Variants in TRABD2A observed in about 807,000 individuals in gnomAD.
The protein encoded by TRABD2A is metalloprotease TIKI1.
A neutral mutation model predicts 45.6 loss-of-function variants in TRABD2A; 43 were observed. The ratio of observed to expected loss-of-function variants is 0.94; its 90% CI spans 0.74 to 1.22. The LOEUF is 1.22. Among genes scored for constraint, TRABD2A ranks in the 50% most tolerant of loss-of-function variants. TRABD2A has a pLI of 0.00. For synonymous variants in TRABD2A, 269 were observed against 265.0 expected (o/e 1.02, Z -0.15); for missense variants, 642 against 652.4 (o/e 0.98, Z 0.17).
chr2:84,842,069 T>C, intron 2 of TRABD2A, 62 bp from the exon 3 acceptor site: 1 of 1,420,992 alleles, frequency 7.0e-7, no homozygotes, highest in African/African-American at 1.4e-5. Context: ...ATCTTATTTC[T>C]TTTGTCCATG....
At chr2:84,855,021 C>A (rs1682227890) in intron 2 of TRABD2A, among the ~76,000 whole-genome samples, 1 of 152,134 alleles carries the variant, frequency 6.6e-6, no homozygotes. Flanking sequence ...GGACATGATT[C>A]CACGTGCCCC....
chr2:84,855,976 T>C (rs1682288071), intron 2 of TRABD2A, among the ~76,000 whole-genome samples: 1 of 152,114 alleles, frequency 6.6e-6, no homozygotes, highest in South Asian at 2.1e-4. Flanking sequence ...CACCGCCCAT[T>C]ACGCGGCTCA....
chr2:84,873,534 G>C (rs1203743360), intron 1 of TRABD2A, among the ~76,000 whole-genome samples: 6 of 152,194 alleles, frequency 3.9e-5, no homozygotes, highest in African/African-American at 1.4e-4. Context: ...AAGGGCCCCT[G>C]AGGTTATTTA....
At chr2:84,843,869 C>G (rs1289059510) in intron 2 of TRABD2A, 1 of 152,252 alleles carries the variant, frequency 6.6e-6, no homozygotes, top group Non-Finnish European at 1.5e-5. Flanking sequence ...CCACAGCATC[C>G]CTCCTTCCAC....
chr2:84,838,601 T>C (rs1034062605), intron 4 of TRABD2A, among the ~76,000 whole-genome samples: 12 of 152,220 alleles, frequency 7.9e-5, no homozygotes, highest in African/African-American at 2.7e-4. Flanking sequence ...GTCCAGCCTC[T>C]GGCATTTCTA....
chr2:84,833,281 A>G (rs1681401053), intron 4 of TRABD2A: 1 of 152,240 alleles, frequency 6.6e-6, no homozygotes, highest in Non-Finnish European at 1.5e-5. Context: ...CTGGAGAAGT[A>G]ACCCTGGCAA....
chr2:84,857,213 C>T (rs1418665021), intron 2 of TRABD2A, among the ~76,000 whole-genome samples: 1 of 152,244 alleles, frequency 6.6e-6, no homozygotes, highest in Non-Finnish European at 1.5e-5. Flanking sequence ...AAATCCCACA[C>T]AATGCTGGGG....
At chr2:84,852,406 C>T (rs80123948) in intron 2 of TRABD2A, among the ~76,000 whole-genome samples, 4 of 151,518 alleles carry the variant, frequency 2.6e-5, no homozygotes, top group African/African-American at 7.3e-5. Context: ...CATGGGGTTA[C>T]GGGAGGAATG....
chr2:84,825,026 C>T (rs1681110868), intron 5 of TRABD2A, among the ~76,000 whole-genome samples: 1 of 152,112 alleles, frequency 6.6e-6, no homozygotes, highest in Admixed American at 6.6e-5. Flanking sequence ...AACAACAGAA[C>T]TTTTGTCAAG....
At chr2:84,849,001 A>T (rs954399757) in intron 2 of TRABD2A, among the ~76,000 whole-genome samples, 6 of 152,202 alleles carry the variant, frequency 3.9e-5, no homozygotes, top group Non-Finnish European at 7.3e-5. Flanking sequence ...GATAACATCA[A>T]TGACTGAGGC....
intron 5 of TRABD2A, among the ~76,000 whole-genome samples, chr2:84,825,900 T>C (rs1195831072): frequency 6.6e-6 from 1 of 152,126 alleles, no homozygotes; most frequent in Non-Finnish European, 1.5e-5. Context: ...TATGAGAATC[T>C]AACTAATACC....
At chr2:84,864,658 C>T (rs1449124049) in intron 2 of TRABD2A, among the ~76,000 whole-genome samples, 3 of 152,330 alleles carry the variant, frequency 2.0e-5, no homozygotes, top group Admixed American at 6.5e-5. Flanking sequence ...CCAGTGACCT[C>T]TGCTGGCTGA....
chr2:84,862,297 C>T (rs1191739919), intron 2 of TRABD2A, among the ~76,000 whole-genome samples: 1 of 152,234 alleles, frequency 6.6e-6, no homozygotes, highest in African/African-American at 2.4e-5. Flanking sequence ...TTCGTGTTCT[C>T]ACTTTTTCTC....
intron 3 of TRABD2A, among the ~76,000 whole-genome samples, chr2:84,841,508 G>A (rs10514646): frequency 0.15 from 23,526 of 152,196 alleles, 2,091 homozygotes; most frequent in Middle Eastern, 0.23. Flanking sequence ...TCAAAGTTCT[G>A]CCCCATCATT....
rs147720379 is a variant in TRABD2A at position 84,838,581 on chromosome 2, T to TCTG, written c.991+565_991+567dup. ...AAAGCCCAGCCCAGCAAATGATCTTTCTGCATACTGTCCAGCCTCTGGCAT... is the reference window on the plus strand; with the variant it reads ...AAAGCCCAGCCCAGCAAATGATCTTTCTGCTGCATACTGTCCAGCCTCTGGCAT... On this transcript the variant is annotated intron_variant, in intron 4 of 6. Coordinates refer to ENST00000409520, the MANE Select transcript of TRABD2A (RefSeq NM_001277053.2). 9.2e-5 allele frequency among the ~76,000 whole-genome samples: 14 copies of TCTG among 152,350 alleles called. No individual in the cohort carries two copies. The East Asian group carries it at 2.7e-3, about 29-fold the overall frequency.
At chr2:84,872,535 AGAGG>A (rs1319023600) in intron 1 of TRABD2A, among the ~76,000 whole-genome samples, 1 of 151,814 alleles carries the variant, frequency 6.6e-6, no homozygotes, top group Non-Finnish European at 1.5e-5. Context: ...AGGAAGGACT[AGAGG>A]GAGGGAGGGA....
chr2:84,834,254 T>A (rs574794552), intron 4 of TRABD2A: 1 of 152,276 alleles, frequency 6.6e-6, no homozygotes, highest in South Asian at 2.1e-4. Flanking sequence ...ACAGTACAAA[T>A]GTGCACACGG....
intron 1 of TRABD2A, among the ~76,000 whole-genome samples, chr2:84,876,108 G>A (rs1044091494): frequency 2.6e-5 from 4 of 152,146 alleles, no homozygotes; most frequent in African/African-American, 9.7e-5. Flanking sequence ...GGGAAGGTCA[G>A]AAATTTGGTT....
intron 5 of TRABD2A, among the ~76,000 whole-genome samples, chr2:84,831,620 G>C (rs1681341101): frequency 6.6e-6 from 1 of 151,916 alleles, no homozygotes; most frequent in Non-Finnish European, 1.5e-5. Flanking sequence ...AGAAGGGTGA[G>C]ACATGCACTC....
Sources: allele counts gnomAD v4.1 joint callset (sites outside exome capture counted in the v4.1 genomes callset), GRCh38; gene constraint gnomAD v4.1.1; transcripts MANE v1.5; gene names NCBI Gene and HGNC (gene_info 2026-07-23, HGNC 2026-07-21).